The following PLXDC2 variants were observed in gnomAD, a reference collection of about 807,000 sequenced individuals.
The protein encoded by PLXDC2 is plexin domain-containing protein 2.
Under a neutral mutation model 68.9 loss-of-function variants are expected in PLXDC2, and 40 were observed. The ratio of observed to expected loss-of-function variants is 0.58; its 90% CI spans 0.45 to 0.76. The LOEUF is 0.76. PLXDC2 is among the 30% of genes least tolerant of loss of function. The pLI, the probability that PLXDC2 is intolerant of heterozygous loss-of-function variation, is 0.00. For synonymous variants in PLXDC2, 243 were observed against 234.2 expected (o/e 1.04, Z -0.34); for missense variants, 644 against 661.9 (o/e 0.97, Z 0.30).
At chr10:20,143,567 G>A in intron 5 of PLXDC2, 150 bp downstream of exon 5, 1 of 939,370 alleles carries the variant, frequency 1.1e-6, no homozygotes, top group Non-Finnish European at 1.6e-6. Context: ...ATACTGCTAA[G>A]ATTTATAAAG....
intron 11 of PLXDC2, among the ~76,000 whole-genome samples, chr10:20,218,189 T>A (rs1413079267): frequency 6.6e-6 from 1 of 152,090 alleles, no homozygotes; most frequent in Non-Finnish European, 1.5e-5. Flanking sequence ...CAACATACGA[T>A]AATTTTCTAT....
intron 2 of PLXDC2, among the ~76,000 whole-genome samples, chr10:20,004,903 A>C (rs1012881109): frequency 6.6e-6 from 1 of 152,090 alleles, no homozygotes. Flanking sequence ...GGCCCAGGGG[A>C]CTGTTTGGTG....
intron 1 of PLXDC2, among the ~76,000 whole-genome samples, chr10:19,844,292 G>T (rs1836961136): frequency 6.6e-6 from 1 of 152,134 alleles, no homozygotes; most frequent in Admixed American, 6.5e-5. Context: ...ATTTGTTTTT[G>T]AACGAATGGT....
chr10:19,946,381 G>A (rs573636828), intron 1 of PLXDC2, among the ~76,000 whole-genome samples: 5 of 152,252 alleles, frequency 3.3e-5, no homozygotes, highest in African/African-American at 1.2e-4. Flanking sequence ...GTTGTTTGTA[G>A]TAGGAAGAAT....
intron 2 of PLXDC2, among the ~76,000 whole-genome samples, chr10:20,041,127 G>A (rs1289852366): frequency 6.6e-6 from 1 of 152,138 alleles, no homozygotes; most frequent in Non-Finnish European, 1.5e-5. Context: ...ACCACATGCT[G>A]AATACAGCTA....
At chr10:20,245,081 T>G (rs1835571064) in intron 12 of PLXDC2, among the ~76,000 whole-genome samples, 1 of 152,136 alleles carries the variant, frequency 6.6e-6, no homozygotes, top group African/African-American at 2.4e-5. Context: ...GCCTTTGCAC[T>G]CTAGCCTGGG....
At chr10:20,141,735 ACT>A (rs1338625917) in intron 4 of PLXDC2, among the ~76,000 whole-genome samples, 3 of 152,060 alleles carry the variant, frequency 2.0e-5, no homozygotes, top group Non-Finnish European at 4.4e-5. Flanking sequence ...TAGGAGTATG[ACT>A]CTGAAAATCT....
intron 4 of PLXDC2, among the ~76,000 whole-genome samples, chr10:20,102,255 C>T (rs1833433678): frequency 6.6e-6 from 1 of 152,178 alleles, no homozygotes. Context: ...TGTTATTATT[C>T]CGCCTAGACA....
intron 2 of PLXDC2, among the ~76,000 whole-genome samples, chr10:20,045,744 C>T (rs900820100): frequency 3.9e-5 from 6 of 152,014 alleles, no homozygotes; most frequent in African/African-American, 9.7e-5. Flanking sequence ...AAATTTACAT[C>T]CCAAACCTTA....
chr10:20,188,215 G>A (rs967486295), intron 9 of PLXDC2, among the ~76,000 whole-genome samples: 12 of 151,316 alleles, frequency 7.9e-5, no homozygotes, highest in African/African-American at 2.2e-4. Flanking sequence ...TCCTTCTATC[G>A]GGCTGTACTT....
At chr10:19,835,805 C>T (rs1296375367) in intron 1 of PLXDC2, among the ~76,000 whole-genome samples, 1 of 151,956 alleles carries the variant, frequency 6.6e-6, no homozygotes, top group African/African-American at 2.4e-5. Flanking sequence ...TAGCTGGTGG[C>T]AGATTGTGGT....
chr10:20,092,722 G>C (rs544658287), intron 4 of PLXDC2, among the ~76,000 whole-genome samples: 1 of 151,968 alleles, frequency 6.6e-6, no homozygotes, highest in Non-Finnish European at 1.5e-5. Context: ...TAAATATCTT[G>C]AGGGGAGATT....
chr10:19,869,733 G>A (rs574574075), intron 1 of PLXDC2, among the ~76,000 whole-genome samples: 88 of 151,756 alleles, frequency 5.8e-4, no homozygotes, highest in Middle Eastern at 6.8e-3. Flanking sequence ...CTTATTTAAC[G>A]TAATAACAAT....
intron 6 of PLXDC2, among the ~76,000 whole-genome samples, chr10:20,160,405 C>T (rs923856531): frequency 7.2e-5 from 11 of 152,164 alleles, no homozygotes; most frequent in Admixed American, 4.6e-4. Flanking sequence ...CTAACTTCTA[C>T]TCTCCTTACA....
chr10:20,085,521 T>A (rs944109612), intron 4 of PLXDC2, among the ~76,000 whole-genome samples: 1 of 152,238 alleles, frequency 6.6e-6, no homozygotes, highest in African/African-American at 2.4e-5. Flanking sequence ...TTGCTAAGAT[T>A]GTTTCATTTT....
At chr10:19,837,929 C>T (rs1836829939) in intron 1 of PLXDC2, among the ~76,000 whole-genome samples, 1 of 152,152 alleles carries the variant, frequency 6.6e-6, no homozygotes, top group Non-Finnish European at 1.5e-5. Context: ...ACCATTTCCT[C>T]TGTCCATTAC....
chr10:20,093,989 C>G (rs1833315402), intron 4 of PLXDC2, among the ~76,000 whole-genome samples: 1 of 152,164 alleles, frequency 6.6e-6, no homozygotes, highest in South Asian at 2.1e-4. Context: ...CTTTTAAATT[C>G]AAGTGAAATT....
chr10:20,140,442 C>CT (rs34794355), intron 4 of PLXDC2, among the ~76,000 whole-genome samples: 28,576 of 145,140 alleles, frequency 0.2, 3,261 homozygotes, highest in East Asian at 0.25. Flanking sequence ...TCTATCTATC[C>CT]GTCTAATCTT....
intron 9 of PLXDC2, among the ~76,000 whole-genome samples, chr10:20,203,651 A>C (rs929280924): frequency 6.6e-5 from 10 of 151,886 alleles, no homozygotes; most frequent in Non-Finnish European, 1.2e-4. Flanking sequence ...ACAGAATTGG[A>C]AGAATAAAAG....
Sources: allele counts gnomAD v4.1 joint callset (sites outside exome capture counted in the v4.1 genomes callset), GRCh38; gene constraint gnomAD v4.1.1; transcripts MANE v1.5; gene names NCBI Gene and HGNC (gene_info 2026-07-23, HGNC 2026-07-21).